Variants in PRELID2 observed in about 807,000 individuals in gnomAD.
PRELID2 encodes the protein PRELI domain containing 2, also known as PRELI domain-containing protein 2.
PRELID2 carries 25 observed loss-of-function variants against 28.4 expected under a neutral mutation model. The ratio of observed to expected loss-of-function variants is 0.88; its 90% CI spans 0.64 to 1.23. The LOEUF (loss-of-function observed/expected upper bound fraction) is 1.23, where lower values mean the gene tolerates loss of function less well. Among genes scored for constraint, PRELID2 ranks in the 50% most tolerant of loss-of-function variants. The pLI, the probability that PRELID2 is intolerant of heterozygous loss-of-function variation, is 0.00. For missense variants in PRELID2, 201 were observed against 214.4 expected (o/e 0.94, Z 0.39); for synonymous variants, 76 against 71.6 (o/e 1.06, Z -0.31).
At chr5:145,297,855 A>G in the PRELID2 span, among the ~76,000 whole-genome samples, 1 of 151,920 alleles carries the variant, frequency 6.6e-6, no homozygotes, top group Non-Finnish European at 1.5e-5. Context: ...ATCATGAGTG[A>G]ACTCCCATTC....
At chr5:145,232,670 T>C in the PRELID2 span, among the ~76,000 whole-genome samples, 1 of 152,140 alleles carries the variant, frequency 6.6e-6, no homozygotes, top group Non-Finnish European at 1.5e-5. Context: ...TATTCCCTCC[T>C]GGGTAAATAG....
chr5:145,348,744 T>C, the PRELID2 span, among the ~76,000 whole-genome samples: 1 of 152,122 alleles, frequency 6.6e-6, no homozygotes, highest in Non-Finnish European at 1.5e-5. Flanking sequence ...AATTTGTTCA[T>C]GCATTTCTTG....
At chr5:145,357,920 T>A in the PRELID2 span, among the ~76,000 whole-genome samples, 73 of 152,068 alleles carry the variant, frequency 4.8e-4, no homozygotes, top group Non-Finnish European at 9.1e-4. Context: ...GATTTTTTTT[T>A]TTTTTGGATT....
At chr5:145,630,983 T>C (rs767867831) in intron 1 of PRELID2, among the ~76,000 whole-genome samples, 4 of 152,214 alleles carry the variant, frequency 2.6e-5, no homozygotes, top group Admixed American at 6.5e-5. Context: ...TTAATTTCTC[T>C]AGGACTCAAC....
At chr5:145,448,177 G>C in the PRELID2 span, among the ~76,000 whole-genome samples, 1,179 of 151,844 alleles carry the variant, frequency 7.8e-3, 11 homozygotes, top group African/African-American at 0.027. Flanking sequence ...ACTGGTGTGA[G>C]ATGGTATCTC....
At chr5:145,397,001 T>A in the PRELID2 span, among the ~76,000 whole-genome samples, 3 of 152,048 alleles carry the variant, frequency 2.0e-5, no homozygotes, top group Non-Finnish European at 2.9e-5. Context: ...CAGAAAAATG[T>A]CTAGATATTA....
intron 1 of PRELID2, among the ~76,000 whole-genome samples, chr5:145,501,933 G>T (rs755488209): frequency 6.6e-6 from 1 of 152,104 alleles, no homozygotes; most frequent in African/African-American, 2.4e-5. Flanking sequence ...ATGTATTGCT[G>T]ATTCTGCGTC....
At chr5:145,259,609 AT>A in the PRELID2 span, among the ~76,000 whole-genome samples, 1 of 152,022 alleles carries the variant, frequency 6.6e-6, no homozygotes, top group East Asian at 1.9e-4. Flanking sequence ...TCTTTTGCCT[AT>A]TTTTTTCACT....
intron 1 of PRELID2, among the ~76,000 whole-genome samples, chr5:145,477,026 T>G (rs1457855679): frequency 2.0e-5 from 3 of 152,220 alleles, no homozygotes; most frequent in Admixed American, 2.0e-4. Context: ...TTCTATAATA[T>G]AATTCTGGAG....
chr5:145,249,918 CCT>C, the PRELID2 span, among the ~76,000 whole-genome samples: 188 of 138,896 alleles, frequency 1.4e-3, no homozygotes, highest in East Asian at 1.5e-3. Context: ...CATGCCTCTC[CCT>C]CTCTCTCTCT....
chr5:145,288,630 A>T, the PRELID2 span, among the ~76,000 whole-genome samples: 3 of 152,210 alleles, frequency 2.0e-5, no homozygotes, highest in East Asian at 5.8e-4. Context: ...ATTGCTTCCA[A>T]GCTTTCTTAG....
intron 4 of PRELID2, among the ~76,000 whole-genome samples, chr5:145,813,848 T>C (rs1488529424): frequency 6.6e-6 from 1 of 152,162 alleles, no homozygotes; most frequent in Admixed American, 6.5e-5. Context: ...TACCAAAATA[T>C]AAAATGCATA....
the PRELID2 span, among the ~76,000 whole-genome samples, chr5:145,450,261 G>T: frequency 6.6e-6 from 1 of 152,066 alleles, no homozygotes; most frequent in Non-Finnish European, 1.5e-5. Context: ...TCCAGAAATT[G>T]ATAATTTAAA....
At chr5:145,425,952 CCTGGGAG>C in the PRELID2 span, among the ~76,000 whole-genome samples, 1 of 152,160 alleles carries the variant, frequency 6.6e-6, no homozygotes, top group Non-Finnish European at 1.5e-5. Context: ...AAGGCACCTG[CCTGGGAG>C]CCCCCTCATC....
Position 145,759,782 on chromosome 5 carries a change from T to C in PRELID2, c.*754A>G, listed in dbSNP as rs1678767724. On this transcript the variant is annotated 3_prime_UTR_variant, in exon 7 of 7. Coordinates refer to ENST00000683046, the MANE Select transcript of PRELID2 (RefSeq NM_205846.3). ...AAGACCTGTGCCTGATTATCCCCAT[T>C]TGCCCAATAAAAAACAGAGAGGTTA... 6.6e-6 allele frequency: 1 copy of C among 152,194 alleles called. No individual in the cohort carries two copies. Among genetic ancestry groups the C allele is most frequent in the African/African-American group, 2.4e-5 (1 of 41,454 alleles). 9.4% of individuals were successfully genotyped at this position (152,194 alleles called of 1,614,324 possible). A position where few individuals can be genotyped will look rare whatever the true frequency, so the allele number is the denominator to read the frequency against.
intron 1 of PRELID2, among the ~76,000 whole-genome samples, chr5:145,558,276 T>C (rs922678084): frequency 1.6e-4 from 24 of 152,172 alleles, no homozygotes; most frequent in African/African-American, 5.6e-4. Flanking sequence ...AGAAAAGATA[T>C]TTTACAGAAC....
At chr5:145,822,518 G>A (rs1031873313) in intron 2 of PRELID2, among the ~76,000 whole-genome samples, 15 of 152,096 alleles carry the variant, frequency 9.9e-5, no homozygotes, top group Admixed American at 6.6e-4. Flanking sequence ...TCCTGATTTA[G>A]TCAATGCTAA....
the PRELID2 span, among the ~76,000 whole-genome samples, chr5:145,256,037 A>G: frequency 6.6e-6 from 1 of 151,954 alleles, no homozygotes; most frequent in South Asian, 2.1e-4. Context: ...AGTAGCTAAA[A>G]CAACACAACT....
rs574397937 is a variant in PRELID2 at position 145,476,937 on chromosome 5, C to A, written n.71-3622G>T. Among the ~76,000 whole-genome samples, 4 of 152,204 alleles carry A rather than the reference C, an allele frequency of 2.6e-5. No homozygotes were observed. In the East Asian group the frequency reaches 7.7e-4, roughly 29 times the overall value. On this transcript the variant is annotated intron_variant and non_coding_transcript_variant, in intron 1 of 2. Coordinates refer to the PRELID2 transcript ENST00000510259. ...AACATTGAATAAAATGAGCAAATGC[C>A]TTAATTCGTTAATAATTAATAGTAG...
Sources: allele counts gnomAD v4.1 joint callset (sites outside exome capture counted in the v4.1 genomes callset), GRCh38; gene constraint gnomAD v4.1.1; transcripts MANE v1.5; gene names NCBI Gene and HGNC (gene_info 2026-07-23, HGNC 2026-07-21).